FLNB: variants seen among roughly 807,000 people sequenced by gnomAD.
FLNB encodes filamin B.
In FLNB, 111 loss-of-function variants were observed where a neutral mutation model predicts 250.6. That is an observed-to-expected ratio of 0.44 (90% CI 0.38 to 0.52). The LOEUF is 0.52. Among genes scored for constraint, FLNB ranks in the 20% least tolerant of loss-of-function variants. FLNB has a pLI of 0.00. For missense variants in FLNB, 2,869 were observed against 3,447.8 expected, an observed-to-expected ratio of 0.83 and a Z score of 4.20; for synonymous variants, 1,302 against 1,372.1, an observed-to-expected ratio of 0.95 and a Z score of 1.13.
intron 1 of FLNB, among the ~76,000 whole-genome samples, chr3:58,035,707 T>C (rs1023826390): frequency 6.6e-6 from 1 of 152,182 alleles, no homozygotes. Flanking sequence ...GTGAGTGTGA[T>C]TCCAGATTGG....
intron 1 of FLNB, among the ~76,000 whole-genome samples, chr3:58,010,327 C>T (rs1436469990): frequency 6.6e-6 from 1 of 152,176 alleles, no homozygotes. Context: ...TCCCTCTAGG[C>T]TGAGCCTCCC....
At chr3:58,103,895 T>A in intron 9 of FLNB, 64 bp from the exon 10 acceptor site, 1 of 1,602,494 alleles carries the variant, frequency 6.2e-7, no homozygotes, top group Non-Finnish European at 8.5e-7. Context: ...TCTGTTCTTG[T>A]CCTTTTGATT....
intron 1 of FLNB, among the ~76,000 whole-genome samples, chr3:58,015,971 G>A (rs2097105157): frequency 6.6e-6 from 1 of 152,142 alleles, no homozygotes; most frequent in Non-Finnish European, 1.5e-5. Context: ...GGTCAGAGGG[G>A]CAGTGGAGGG....
At chr3:58,010,352 C>A (rs1253242454) in intron 1 of FLNB, among the ~76,000 whole-genome samples, 2 of 152,186 alleles carry the variant, frequency 1.3e-5, no homozygotes, top group African/African-American at 4.8e-5. Flanking sequence ...GCCTTAGGGC[C>A]TCACCCTTCC....
chr3:58,084,141 G>A (rs1416628879), intron 4 of FLNB, among the ~76,000 whole-genome samples: 1 of 150,124 alleles, frequency 6.7e-6, no homozygotes, highest in Admixed American at 6.7e-5. Context: ...GCAGTGAGCC[G>A]AGATCGCGCC....
intron 21 of FLNB, among the ~76,000 whole-genome samples, chr3:58,123,906 TTC>T (rs1193320627): frequency 6.6e-6 from 1 of 152,074 alleles, no homozygotes; most frequent in Admixed American, 6.6e-5. Flanking sequence ...AACCCCTGTT[TTC>T]TGTTTCTCCA....
chr3:58,101,112 A>G (rs1181072574), intron 8 of FLNB, among the ~76,000 whole-genome samples: 2 of 152,210 alleles, frequency 1.3e-5, no homozygotes, highest in Non-Finnish European at 2.9e-5. Flanking sequence ...ATGTTCATCC[A>G]TAAACCATCT....
intron 22 of FLNB, 27 bp from the exon 23 acceptor site, chr3:58,125,554 T>C: frequency 1.2e-6 from 2 of 1,613,156 alleles, no homozygotes; most frequent in South Asian, 1.1e-5. Context: ...TATGCAAATA[T>C]GCGTTTCTGT....
intron 1 of FLNB, among the ~76,000 whole-genome samples, chr3:58,027,234 C>T (rs576564519): frequency 5.9e-5 from 9 of 152,044 alleles, no homozygotes; most frequent in African/African-American, 2.2e-4. Flanking sequence ...CTCACCACAA[C>T]CTCCGCCTCC....
chr3:58,060,940 G>T (rs1386988331), intron 1 of FLNB, among the ~76,000 whole-genome samples: 1 of 152,158 alleles, frequency 6.6e-6, no homozygotes, highest in African/African-American at 2.4e-5. Flanking sequence ...CTGAGGCTGG[G>T]AGATTGCTTG....
rs984114810 is a variant in FLNB, at chr3:58,140,897, G to A, written c.5110-961G>A. Among the ~76,000 whole-genome samples, 5 of 152,222 alleles carry A rather than the reference G, an allele frequency of 3.3e-5. No homozygotes were observed. In the East Asian group the frequency reaches 5.8e-4, roughly 18 times the overall value. Reference sequence around the variant, plus strand: ...TGGGATTACCGGCATGAGCCACTGCGCCCAGCCATGAGCATTAAAGCTAAG... The same window carrying A: ...TGGGATTACCGGCATGAGCCACTGCACCCAGCCATGAGCATTAAAGCTAAG... On this transcript the variant is annotated intron_variant, in intron 29 of 45. Transcript: ENST00000295956.
rs1339058362 is a variant in FLNB at position 58,135,832 on chromosome 3, A to G, written c.4672-147A>G. On this transcript the variant is annotated intron_variant, in intron 27 of 45. Transcript: ENST00000295956. The stretch of plus-strand genomic sequence containing the variant: ...TCTGTGACCCTCTACTCTCCCTACC[A>G]AAAAACAAAACAAAACTAGATTGTA... 4 of 873,462 alleles carry G rather than the reference A, an allele frequency of 4.6e-6. No individual in the cohort carries two copies. The African/African-American group carries it at 6.8e-5, about 15-fold the overall frequency. The allele number at this position is 873,462 out of a possible 1,614,324, so 54.1% of individuals were successfully genotyped here.
chr3:58,128,268 C>T (rs1259355850), intron 24 of FLNB, among the ~76,000 whole-genome samples: 1 of 152,208 alleles, frequency 6.6e-6, no homozygotes, highest in Non-Finnish European at 1.5e-5. Flanking sequence ...CTCACACTCA[C>T]TCTCTCTCAC....
At position 58,037,452 on chromosome 3, in the gene FLNB, C is replaced by T. The variant is rs80353958; in HGVS notation, c.292+28596C>T. Among the ~76,000 whole-genome samples, 624 of 152,314 alleles carry T rather than the reference C, an allele frequency of 4.1e-3. 4 individuals carry two copies. Among genetic ancestry groups the T allele is most frequent in the African/African-American group, 0.014 (587 of 41,574 alleles). ...CAACCTTCATATCAGCCAGCTAAAG[C>T]CCCTTGTAATGAATGGGGAGGTTCC... On this transcript the variant is annotated intron_variant, in intron 1 of 45. Coordinates refer to ENST00000295956, the MANE Select transcript of FLNB (RefSeq NM_001457.4).
intron 1 of FLNB, among the ~76,000 whole-genome samples, chr3:58,012,321 C>T (rs2097100200): frequency 6.6e-6 from 1 of 151,600 alleles, no homozygotes; most frequent in Non-Finnish European, 1.5e-5. Context: ...TGATCATACT[C>T]TTGCCATGGT....
rs142539659 is a variant in FLNB at position 58,054,926 on chromosome 3, A to G, written c.293-22120A>G. ...ATGGATGCTTTCACACTGCAACAATAGATCCAAATAGTTGCAAAGAGACTG... is the reference window on the plus strand; with the variant it reads ...ATGGATGCTTTCACACTGCAACAATGGATCCAAATAGTTGCAAAGAGACTG... On this transcript the variant is annotated intron_variant, in intron 1 of 45. Coordinates refer to ENST00000295956, the MANE Select transcript of FLNB (RefSeq NM_001457.4). Among the ~76,000 whole-genome samples, 260 of 152,322 alleles carry G rather than the reference A, an allele frequency of 1.7e-3. 1 individual carries two copies. Among genetic ancestry groups the G allele is most frequent in the Non-Finnish European group, 3.2e-3 (218 of 68,028 alleles).
intron 19 of FLNB, 147 bp downstream of exon 19, chr3:58,119,136 G>A (rs944097157): frequency 1.4e-6 from 1 of 722,734 alleles, no homozygotes. Context: ...TTCGAATTAA[G>A]GCCGTGGTGT....
chr3:58,121,578 C>A, intron 20 of FLNB, 75 bp downstream of exon 20: 1 of 1,571,144 alleles, frequency 6.4e-7, no homozygotes, highest in Non-Finnish European at 8.7e-7. Context: ...TCTGGTTCTT[C>A]CTGGCAAAGA....
chr3:58,157,398 C>G (rs2097354972), intron 41 of FLNB, among the ~76,000 whole-genome samples: 1 of 152,194 alleles, frequency 6.6e-6, no homozygotes. Flanking sequence ...ACTTGGTTTA[C>G]ATTTGAGATT....
Sources: allele counts gnomAD v4.1 joint callset (sites outside exome capture counted in the v4.1 genomes callset), GRCh38; gene constraint gnomAD v4.1.1; transcripts MANE v1.5; gene names NCBI Gene and HGNC (gene_info 2026-07-23, HGNC 2026-07-21).